The following WWOX variants were observed in gnomAD, a reference collection of about 807,000 sequenced individuals.
WWOX encodes WW domain-containing oxidoreductase.
WWOX carries 69 observed loss-of-function variants against 46.2 expected under a neutral mutation model. The ratio of observed to expected loss-of-function variants is 1.49; its 90% CI spans 1.23 to 1.82. The LOEUF is 1.82. Among genes scored for constraint, WWOX ranks in the 40% most tolerant of loss-of-function variants. The pLI, the probability that WWOX is intolerant of heterozygous loss-of-function variation, is 0.00. For synonymous variants in WWOX, 359 were observed against 202.6 expected (o/e 1.77, Z -6.56); for missense variants, 919 against 542.6 (o/e 1.69, Z -6.89).
rs181058044 is a variant in WWOX at position 78,583,654 on chromosome 16, A to G, written c.1056+150902A>G. ...CATAATGATAATGCAGCTGCTTTCA[A>G]TGTCAAGCCATCAGGCAGCGGGTTG... On this transcript the variant is annotated intron_variant, in intron 8 of 8. Transcript: ENST00000566780. Among the ~76,000 whole-genome samples the G allele has an allele frequency of 4.1e-3, 619 of 152,284 alleles. 7 individuals carry two copies. Among genetic ancestry groups the G allele is most frequent in the South Asian group, 0.029 (139 of 4,826 alleles).
chr16:78,429,397 C>T (rs1001626959), intron 7 of WWOX, among the ~76,000 whole-genome samples: 1 of 152,306 alleles, frequency 6.6e-6, no homozygotes. Context: ...CATTCTCTCC[C>T]TGACTTCCAC....
chr16:79,019,157 CAAA>C (rs903333994), intron 8 of WWOX, among the ~76,000 whole-genome samples: 261 of 24,570 alleles, frequency 0.011, 11 homozygotes, highest in African/African-American at 0.036. Context: ...GACCTTGTCT[CAAA>C]AAAAAAAAAA....
intron 8 of WWOX, among the ~76,000 whole-genome samples, chr16:79,083,368 C>T (rs1009863845): frequency 6.6e-6 from 1 of 152,154 alleles, no homozygotes; most frequent in Non-Finnish European, 1.5e-5. Context: ...AGATGAAACC[C>T]ATGTCTTCCT....
At chr16:78,873,855 G>A (rs1005493898) in intron 8 of WWOX, among the ~76,000 whole-genome samples, 1 of 152,124 alleles carries the variant, frequency 6.6e-6, no homozygotes, top group Non-Finnish European at 1.5e-5. Flanking sequence ...CAGGCCATGT[G>A]CTTAGTCCCT....
chr16:78,963,159 A>G (rs7189419), intron 8 of WWOX, among the ~76,000 whole-genome samples: 11,569 of 152,162 alleles, frequency 0.076, 731 homozygotes, highest in African/African-American at 0.17. Flanking sequence ...CCATCAGTCT[A>G]TCTTGATTCA....
At chr16:79,029,011 A>G (rs2047701127) in intron 8 of WWOX, among the ~76,000 whole-genome samples, 1 of 149,612 alleles carries the variant, frequency 6.7e-6, no homozygotes, top group East Asian at 1.9e-4. Context: ...AAATAAGCAC[A>G]ATACAAATTA....
intron 8 of WWOX, among the ~76,000 whole-genome samples, chr16:78,505,281 C>G (rs1487114574): frequency 6.6e-6 from 1 of 152,124 alleles, no homozygotes; most frequent in Non-Finnish European, 1.5e-5. Flanking sequence ...TATATTATTT[C>G]ATACTGAGTT....
At chr16:79,055,425 C>A (rs550897746) in intron 8 of WWOX, among the ~76,000 whole-genome samples, 1 of 152,084 alleles carries the variant, frequency 6.6e-6, no homozygotes, top group Non-Finnish European at 1.5e-5. Flanking sequence ...TGTAAAATGC[C>A]TGACTACCCT....
chr16:78,242,278 C>T (rs568054103), intron 5 of WWOX, among the ~76,000 whole-genome samples: 1 of 152,250 alleles, frequency 6.6e-6, no homozygotes, highest in South Asian at 2.1e-4. Flanking sequence ...AAAAGACAAA[C>T]CTGAGAGAGC....
chr16:78,795,966 T>C (rs1352558311), intron 8 of WWOX, among the ~76,000 whole-genome samples: 1 of 152,208 alleles, frequency 6.6e-6, no homozygotes, highest in African/African-American at 2.4e-5. Flanking sequence ...AGATGATGTC[T>C]AAGATAAGGC....
intron 2 of WWOX, 54 bp from the exon 3 acceptor site, chr16:78,109,724 G>T (rs1345351390): frequency 6.2e-7 from 1 of 1,600,992 alleles, no homozygotes; most frequent in African/African-American, 1.3e-5. Context: ...CCTGACCCAG[G>T]GATGGTCTTT....
At chr16:78,890,209 A>C (rs773831535) in intron 8 of WWOX, 4 of 152,226 alleles carry the variant, frequency 2.6e-5, no homozygotes, top group Non-Finnish European at 5.9e-5. Context: ...AGGCACATCT[A>C]TTCTTGAAAT....
intron 8 of WWOX, among the ~76,000 whole-genome samples, chr16:78,481,289 T>C (rs1274053729): frequency 6.6e-6 from 1 of 152,202 alleles, no homozygotes; most frequent in African/African-American, 2.4e-5. Flanking sequence ...TGGAGCCTCT[T>C]GGATTTTAAA....
intron 5 of WWOX, among the ~76,000 whole-genome samples, chr16:78,381,960 G>C (rs1308024310): frequency 1.3e-5 from 2 of 152,210 alleles, no homozygotes; most frequent in Admixed American, 6.5e-5. Flanking sequence ...CGACTTTCCA[G>C]GTTCAAGTGA....
intron 6 of WWOX, among the ~76,000 whole-genome samples, chr16:78,423,525 A>C (rs2083001428): frequency 6.6e-6 from 1 of 152,012 alleles, no homozygotes; most frequent in South Asian, 2.1e-4. Context: ...ACTTTCTGAG[A>C]ATTTAGCTTT....
At chr16:78,158,309 A>G (rs2034671892) in intron 4 of WWOX, among the ~76,000 whole-genome samples, 1 of 152,168 alleles carries the variant, frequency 6.6e-6, no homozygotes, top group South Asian at 2.1e-4. Context: ...GTTTGGCTGA[A>G]TTGCATAGCT....
At chr16:78,710,398 C>G (rs552691110) in intron 8 of WWOX, among the ~76,000 whole-genome samples, 2 of 146,528 alleles carry the variant, frequency 1.4e-5, no homozygotes, top group African/African-American at 5.0e-5. Context: ...TCCGCATCTG[C>G]TATGCAGCAT....
chr16:78,787,393 A>G (rs1597609341), intron 8 of WWOX, among the ~76,000 whole-genome samples: 3 of 152,064 alleles, frequency 2.0e-5, no homozygotes, highest in Admixed American at 6.5e-5. Context: ...ACTATTCTGG[A>G]TATCTCATAT....
At chr16:78,185,425 C>T (rs1265639855) in intron 5 of WWOX, among the ~76,000 whole-genome samples, 5 of 151,948 alleles carry the variant, frequency 3.3e-5, no homozygotes, top group Non-Finnish European at 5.9e-5. Context: ...CCCAAGAATA[C>T]ACCACAGTGC....
Sources: gnomAD v4.1 joint callset for allele counts (sites outside exome capture counted in the v4.1 genomes callset) on GRCh38, gnomAD v4.1.1 for gene constraint, MANE v1.5 for transcripts, NCBI Gene and HGNC (gene_info 2026-07-23, HGNC 2026-07-21) for gene names.